The following PDE1C variants were observed in gnomAD, a reference collection of about 807,000 sequenced individuals.
PDE1C encodes phosphodiesterase 1C.
Under a neutral mutation model 93.1 loss-of-function variants are expected in PDE1C, and 62 were observed. That is an observed-to-expected ratio of 0.67 (90% CI 0.54 to 0.82). The LOEUF (loss-of-function observed/expected upper bound fraction) is 0.82, where lower values mean the gene tolerates loss of function less well. PDE1C is among the 40% of genes least tolerant of loss of function. The probability of loss-of-function intolerance (pLI) is 0.00; values close to 1 mark genes in which losing one functional copy is unlikely to be tolerated. For missense variants in PDE1C, 742 were observed against 884.6 expected (o/e 0.84, Z 2.04); for synonymous variants, 325 against 310.1 (o/e 1.05, Z -0.50).
chr7:31,794,085 C>CAGATAGATAGATAGAT (rs1326683058), intron 16 of PDE1C, among the ~76,000 whole-genome samples: 22 of 137,384 alleles, frequency 1.6e-4, no homozygotes, highest in South Asian at 9.5e-4. Context: ...GACAGACAGA[C>CAGATAGATAGATAGAT]AGACAGATAG....
intron 1 of PDE1C, among the ~76,000 whole-genome samples, chr7:32,417,868 G>C (rs1785306716): frequency 1.3e-5 from 2 of 152,140 alleles, no homozygotes; most frequent in Admixed American, 1.3e-4. Context: ...ACTCAACGTA[G>C]TAATTTGAAT....
intron 14 of PDE1C, among the ~76,000 whole-genome samples, chr7:31,817,310 T>C (rs1398650771): frequency 3.9e-5 from 6 of 152,078 alleles, no homozygotes; most frequent in African/African-American, 1.4e-4. Flanking sequence ...TCAGAGGAAC[T>C]AGAAAATGCA....
intron 3 of PDE1C, among the ~76,000 whole-genome samples, chr7:32,126,134 A>G (rs1301014652): frequency 6.6e-6 from 1 of 152,076 alleles, no homozygotes; most frequent in Non-Finnish European, 1.5e-5. Context: ...GTCACTGGAA[A>G]CCATTATTCC....
At chr7:32,314,354 T>C (rs1783125307) in intron 1 of PDE1C, among the ~76,000 whole-genome samples, 1 of 151,684 alleles carries the variant, frequency 6.6e-6, no homozygotes, top group Non-Finnish European at 1.5e-5. Flanking sequence ...CAGAGAAAAA[T>C]TTGGTCACTA....
chr7:31,702,203 A>ATTTTT, the PDE1C span, among the ~76,000 whole-genome samples: 7 of 125,280 alleles, frequency 5.6e-5, no homozygotes, highest in African/African-American at 2.0e-4. Flanking sequence ...TTTCACCCTT[A>ATTTTT]TTTATTTTTT....
intron 2 of PDE1C, among the ~76,000 whole-genome samples, chr7:31,900,395 A>G (rs1239109508): frequency 6.8e-6 from 1 of 147,682 alleles, no homozygotes; most frequent in Non-Finnish European, 1.5e-5. Context: ...AACATTCATT[A>G]TCTTTTTATT....
chr7:31,998,012 T>TA (rs201231125), intron 2 of PDE1C, among the ~76,000 whole-genome samples: 3 of 130,070 alleles, frequency 2.3e-5, no homozygotes, highest in East Asian at 2.2e-4. Context: ...TATTTTATTT[T>TA]TATTTATTTA....
intron 1 of PDE1C, among the ~76,000 whole-genome samples, chr7:32,219,401 C>T (rs1002821675): frequency 1.3e-5 from 2 of 152,178 alleles, no homozygotes; most frequent in African/African-American, 2.4e-5. Flanking sequence ...AGTAGTAAAA[C>T]GCCATGAAAG....
At chr7:32,257,583 C>T (rs960642914) in intron 1 of PDE1C, among the ~76,000 whole-genome samples, 2 of 152,188 alleles carry the variant, frequency 1.3e-5, no homozygotes, top group African/African-American at 4.8e-5. Flanking sequence ...CAATGCCTGG[C>T]ACCTTGTAAT....
intron 1 of PDE1C, among the ~76,000 whole-genome samples, chr7:32,326,018 G>A (rs1195536230): frequency 2.6e-5 from 4 of 151,988 alleles, no homozygotes; most frequent in African/African-American, 9.7e-5. Context: ...AAAGGAAGAG[G>A]TAACAAGATT....
chr7:31,809,635 G>A (rs1235418494), intron 15 of PDE1C, among the ~76,000 whole-genome samples: 2 of 152,038 alleles, frequency 1.3e-5, no homozygotes, highest in African/African-American at 4.8e-5. Flanking sequence ...CTTAGAACAC[G>A]TGTCAAAAAT....
chr7:31,651,829 A>G, the PDE1C span: 2 of 714,736 alleles, frequency 2.8e-6, no homozygotes, highest in Admixed American at 2.7e-5. Flanking sequence ...TAAAGATGAC[A>G]TTCTCTTTTA....
intron 1 of PDE1C, among the ~76,000 whole-genome samples, chr7:32,402,984 T>C (rs1784978764): frequency 6.6e-6 from 1 of 152,186 alleles, no homozygotes; most frequent in Admixed American, 6.6e-5. Flanking sequence ...GCCTGTCCTA[T>C]TCCTGCAACA....
chr7:32,418,548 A>G (rs1785322458), intron 1 of PDE1C, among the ~76,000 whole-genome samples: 1 of 152,202 alleles, frequency 6.6e-6, no homozygotes, highest in Non-Finnish European at 1.5e-5. Flanking sequence ...TCCAAATAGC[A>G]TCCTTGCGTG....
chr7:32,056,422 G>A (rs1399196446), intron 1 of PDE1C, among the ~76,000 whole-genome samples: 4 of 137,684 alleles, frequency 2.9e-5, no homozygotes, highest in Admixed American at 7.8e-5. Flanking sequence ...TCTGTTTGTC[G>A]TTTCTGTTTT....
At chr7:32,362,126 A>C (rs528166489) in intron 1 of PDE1C, among the ~76,000 whole-genome samples, 8 of 152,260 alleles carry the variant, frequency 5.3e-5, no homozygotes, top group African/African-American at 1.9e-4. Context: ...GGGTCAGGCA[A>C]ATTGGAAGAT....
At chr7:31,847,388 T>A (rs1244549057) in intron 9 of PDE1C, among the ~76,000 whole-genome samples, 2 of 152,088 alleles carry the variant, frequency 1.3e-5, no homozygotes, top group African/African-American at 2.4e-5. Context: ...CAGAATTAAG[T>A]GTACATAATT....
At chr7:32,001,978 G>A (rs1204651527) in intron 2 of PDE1C, among the ~76,000 whole-genome samples, 1 of 152,128 alleles carries the variant, frequency 6.6e-6, no homozygotes, top group Non-Finnish European at 1.5e-5. Flanking sequence ...AGAATCACTT[G>A]AACCCAGGAG....
intron 6 of PDE1C, among the ~76,000 whole-genome samples, chr7:31,870,088 T>C (rs955116008): frequency 8.6e-5 from 13 of 151,980 alleles, no homozygotes; most frequent in Admixed American, 2.6e-4. Context: ...TCAAATGCTA[T>C]GGAATACTGC....
Sources: allele counts gnomAD v4.1 joint callset (sites outside exome capture counted in the v4.1 genomes callset), GRCh38; gene constraint gnomAD v4.1.1; transcripts MANE v1.5; gene names NCBI Gene and HGNC (gene_info 2026-07-23, HGNC 2026-07-21).